RAB31: variants seen among roughly 807,000 people sequenced by gnomAD.
RAB31 encodes ras-related protein Rab-31.
RAB31 carries 21 observed loss-of-function variants against 25.6 expected under a neutral mutation model. The ratio of observed to expected loss-of-function variants is 0.82; its 90% CI spans 0.58 to 1.18. The LOEUF is 1.18. Among genes scored for constraint, RAB31 ranks in the 50% most tolerant of loss-of-function variants. RAB31 has a pLI of 0.00. For missense variants in RAB31, 196 were observed against 250.1 expected, an observed-to-expected ratio of 0.78 and a Z score of 1.46; for synonymous variants, 87 against 84.0, an observed-to-expected ratio of 1.04 and a Z score of -0.20.
chr18:9,807,391 C>T (rs2068547321), intron 3 of RAB31, among the ~76,000 whole-genome samples: 1 of 152,050 alleles, frequency 6.6e-6, no homozygotes, highest in Non-Finnish European at 1.5e-5. Context: ...ATGAGACTAA[C>T]TTTCTGTGAT....
intron 5 of RAB31, among the ~76,000 whole-genome samples, chr18:9,818,153 CA>C (rs1244933203): frequency 6.6e-6 from 1 of 152,204 alleles, no homozygotes; most frequent in Non-Finnish European, 1.5e-5. Context: ...CTGATTAGGT[CA>C]GTGAGAAAGA....
chr18:9,770,563 G>T (rs2068339200), intron 1 of RAB31, among the ~76,000 whole-genome samples: 1 of 152,208 alleles, frequency 6.6e-6, no homozygotes, highest in Non-Finnish European at 1.5e-5. Context: ...GAAGTAGATG[G>T]AACCAATTGC....
chr18:9,842,789 G>C (rs1293373388), intron 5 of RAB31, among the ~76,000 whole-genome samples: 3 of 152,240 alleles, frequency 2.0e-5, no homozygotes, highest in African/African-American at 7.2e-5. Flanking sequence ...GAGGTGGACA[G>C]AGTCACGGGT....
chr18:9,840,173 G>A (rs538242259), intron 5 of RAB31, among the ~76,000 whole-genome samples: 2 of 152,290 alleles, frequency 1.3e-5, no homozygotes, highest in South Asian at 2.1e-4. Context: ...GGCTGGCCTG[G>A]GGGGATCTGC....
chr18:9,787,688 C>G (rs907030169), intron 2 of RAB31: 1 of 153,666 alleles, frequency 6.5e-6, no homozygotes, highest in African/African-American at 2.4e-5. Context: ...CTTACAAATG[C>G]AATGATTATG....
chr18:9,779,660 C>T (rs1041458576), intron 2 of RAB31, among the ~76,000 whole-genome samples: 11 of 152,180 alleles, frequency 7.2e-5, no homozygotes, highest in African/African-American at 2.7e-4. Flanking sequence ...AGTTCTTTAT[C>T]TGAAATTCAA....
intron 5 of RAB31, among the ~76,000 whole-genome samples, chr18:9,839,441 C>G (rs150319759): frequency 2.1e-3 from 320 of 152,246 alleles, no homozygotes; most frequent in African/African-American, 7.2e-3. Flanking sequence ...AGAGTCCCCA[C>G]CATGGGCACA....
rs1184208756 is a variant in RAB31, at chr18:9,857,864, C to CAA, written c.491-1350_491-1349dup. Among the ~76,000 whole-genome samples the CAA allele has an allele frequency of 3.2e-3, 429 of 133,806 alleles. 3 individuals are homozygous for CAA. The highest frequency in any genetic ancestry group is 0.011 in the African/African-American group (382 of 35,220). The allele number at this position is 133,806 out of a possible 152,430, so 87.8% of individuals were successfully genotyped here. ...GCAACATAGCAAGACCCTATCTCTACAAAAAAAAAAAAAAATTTATCGGGG... is the reference window on the plus strand; with the variant it reads ...GCAACATAGCAAGACCCTATCTCTACAAAAAAAAAAAAAAAAATTTATCGGGG... On this transcript the variant is annotated intron_variant, in intron 6 of 6. Transcript: ENST00000578921.
intron 1 of RAB31, among the ~76,000 whole-genome samples, chr18:9,750,832 C>T (rs2068231138): frequency 6.6e-6 from 1 of 152,128 alleles, no homozygotes; most frequent in African/African-American, 2.4e-5. Context: ...CTTGTTGCCT[C>T]AATCCTACTG....
At chr18:9,813,579 C>T (rs891080507) in intron 3 of RAB31, among the ~76,000 whole-genome samples, 1 of 152,124 alleles carries the variant, frequency 6.6e-6, no homozygotes, top group Non-Finnish European at 1.5e-5. Flanking sequence ...GGGCCGGGTG[C>T]GGTAGCTCAC....
At chr18:9,818,455 A>G (rs1292150123) in intron 5 of RAB31, among the ~76,000 whole-genome samples, 10 of 152,118 alleles carry the variant, frequency 6.6e-5, no homozygotes. Flanking sequence ...TTTTGCATAC[A>G]TGGAATCGTA....
intron 1 of RAB31, among the ~76,000 whole-genome samples, chr18:9,769,785 GC>G (rs2068334743): frequency 6.6e-6 from 1 of 152,194 alleles, no homozygotes; most frequent in East Asian, 1.9e-4. Context: ...AATGCTTCCA[GC>G]TTTTGCCCAT....
In RAB31 at chr18:9,836,612, A is replaced by G. The variant is rs114765116; in HGVS notation, c.381-8970A>G. On this transcript the variant is annotated intron_variant, in intron 5 of 6. Coordinates refer to ENST00000578921, the MANE Select transcript of RAB31 (RefSeq NM_006868.4). ...TGAGAACTGCTGGGAAGCTTGCTAC[A>G]GTGTAGATTTCTGGGGCTTGCCCAG... is the stretch of plus-strand genomic sequence containing the variant. 7.4e-3 allele frequency among the ~76,000 whole-genome samples: 1,125 copies of G among 152,328 alleles called. 12 individuals carry two copies. The highest frequency in any genetic ancestry group is 0.026 in the African/African-American group (1,083 of 41,578).
At chr18:9,798,947 G>A (rs949333135) in intron 3 of RAB31, among the ~76,000 whole-genome samples, 10 of 152,158 alleles carry the variant, frequency 6.6e-5, no homozygotes, top group African/African-American at 2.4e-4. Flanking sequence ...AAGTAGCTGG[G>A]CGTGGTGGCA....
intron 2 of RAB31, among the ~76,000 whole-genome samples, chr18:9,788,422 G>C (rs1000354253): frequency 6.6e-6 from 1 of 152,160 alleles, no homozygotes; most frequent in Non-Finnish European, 1.5e-5. Context: ...AAGAGAAAAG[G>C]GAATTCTTGT....
intron 5 of RAB31, among the ~76,000 whole-genome samples, chr18:9,820,405 G>A (rs1427528805): frequency 2.6e-5 from 4 of 152,072 alleles, no homozygotes; most frequent in African/African-American, 4.8e-5. Flanking sequence ...TAGTTTGCTA[G>A]TGTTTTGTTA....
intron 2 of RAB31, among the ~76,000 whole-genome samples, chr18:9,788,282 T>A (rs1424139748): frequency 6.6e-6 from 1 of 152,108 alleles, no homozygotes; most frequent in Non-Finnish European, 1.5e-5. Flanking sequence ...GCCAACAAGT[T>A]TGTGGAAAAA....
chr18:9,723,515 T>C (rs2068082430), intron 1 of RAB31: 1 of 152,242 alleles, frequency 6.6e-6, no homozygotes, highest in Non-Finnish European at 1.5e-5. Context: ...TAGATTAATC[T>C]TAGCAAGACA....
intron 2 of RAB31, among the ~76,000 whole-genome samples, chr18:9,780,712 C>T (rs1022076508): frequency 6.6e-6 from 1 of 152,088 alleles, no homozygotes; most frequent in Non-Finnish European, 1.5e-5. Context: ...AAATGGATCA[C>T]CTGAAGTCGG....
Sources: allele counts gnomAD v4.1 joint callset (sites outside exome capture counted in the v4.1 genomes callset), GRCh38; gene constraint gnomAD v4.1.1; transcripts MANE v1.5; gene names NCBI Gene and HGNC (gene_info 2026-07-23, HGNC 2026-07-21).